MGMT: variants seen among roughly 807,000 people sequenced by gnomAD.
The protein encoded by MGMT is O-6-methylguanine-DNA methyltransferase, also known as methylated-DNA--protein-cysteine methyltransferase.
Under a neutral mutation model 15.9 loss-of-function variants are expected in MGMT, and 14 were observed. The observed-to-expected ratio is 0.88, with a 90% CI of 0.58 to 1.37. MGMT has a LOEUF of 1.37. Among genes scored for constraint, MGMT ranks in the 40% most tolerant of loss-of-function variants. The probability of loss-of-function intolerance (pLI) is 0.00; values close to 1 mark genes in which losing one functional copy is unlikely to be tolerated. For missense variants in MGMT, 282 were observed against 268.1 expected (o/e 1.05, Z -0.36); for synonymous variants, 130 against 118.2 (o/e 1.10, Z -0.65).
chr10:129,609,593 C>G (rs948243891), intron 2 of MGMT, among the ~76,000 whole-genome samples: 6 of 152,214 alleles, frequency 3.9e-5, no homozygotes, highest in African/African-American at 1.4e-4. Flanking sequence ...TTTGCAAACT[C>G]TGGTGCTGGG....
intron 2 of MGMT, among the ~76,000 whole-genome samples, chr10:129,639,198 AAAAT>A (rs1385458638): frequency 6.6e-6 from 1 of 152,152 alleles, no homozygotes; most frequent in Non-Finnish European, 1.5e-5. Context: ...TTAAGAGAAA[AAAAT>A]AGATTAAAGG....
chr10:129,619,754 C>T (rs757166621), intron 2 of MGMT, among the ~76,000 whole-genome samples: 24 of 152,072 alleles, frequency 1.6e-4, no homozygotes, highest in African/African-American at 5.6e-4. Context: ...ATTAATTGTT[C>T]GTAATCTTCT....
At chr10:129,494,020 G>A (rs1845495491) in intron 1 of MGMT, among the ~76,000 whole-genome samples, 1 of 152,180 alleles carries the variant, frequency 6.6e-6, no homozygotes, top group South Asian at 2.1e-4. Context: ...GTGTCCTACT[G>A]TAAAGATATA....
At chr10:129,592,663 T>G (rs1454640102) in intron 2 of MGMT, among the ~76,000 whole-genome samples, 1 of 152,160 alleles carries the variant, frequency 6.6e-6, no homozygotes, top group Non-Finnish European at 1.5e-5. Context: ...AAGGTAGATT[T>G]TCTTCCTGCA....
intron 1 of MGMT, among the ~76,000 whole-genome samples, chr10:129,518,385 G>A (rs1393347332): frequency 7.7e-6 from 1 of 129,362 alleles, no homozygotes; most frequent in Non-Finnish European, 1.7e-5. Context: ...TTTGGCCCTT[G>A]GACAAGACAG....
chr10:129,736,660 T>G (rs922817250), intron 3 of MGMT, among the ~76,000 whole-genome samples: 11 of 152,208 alleles, frequency 7.2e-5, no homozygotes, highest in African/African-American at 1.9e-4. Flanking sequence ...CTAGTCTTGA[T>G]GGTCTACATT....
intron 1 of MGMT, among the ~76,000 whole-genome samples, chr10:129,493,801 A>G (rs75944089): frequency 1.3e-3 from 194 of 152,298 alleles, no homozygotes; most frequent in African/African-American, 4.4e-3. Flanking sequence ...AGCCCTTTTC[A>G]GAAAGGTTTG....
chr10:129,711,926 T>G (rs533668309), intron 3 of MGMT, among the ~76,000 whole-genome samples: 11 of 152,360 alleles, frequency 7.2e-5, no homozygotes, highest in African/African-American at 2.6e-4. Context: ...CCCTGATTTC[T>G]TAGTGTTTAT....
chr10:129,710,453 C>T lies in MGMT; in HGVS notation c.274+2410C>T, dbSNP rs117419537. ...GAGTCCCCTGGGCCAGGCCTGCCTGCGGATGGTTAGTGGTTGCTGTGGGGG... is the reference window on the plus strand; with the variant it reads ...GAGTCCCCTGGGCCAGGCCTGCCTGTGGATGGTTAGTGGTTGCTGTGGGGG... On this transcript the variant is annotated intron_variant, in intron 3 of 4. Coordinates refer to ENST00000651593, the MANE Select transcript of MGMT (RefSeq NM_002412.5). 2.4e-4 allele frequency among the ~76,000 whole-genome samples: 36 copies of T among 152,302 alleles called. No individual in the cohort carries two copies. The East Asian group carries it at 3.5e-3, about 15-fold the overall frequency.
intron 1 of MGMT, among the ~76,000 whole-genome samples, chr10:129,530,187 G>A (rs1009540229): frequency 3.3e-5 from 5 of 150,778 alleles, no homozygotes; most frequent in African/African-American, 1.0e-4. Flanking sequence ...ACGGGTGTGA[G>A]CCACCATGAC....
At chr10:129,626,667 C>T (rs910355559) in intron 2 of MGMT, among the ~76,000 whole-genome samples, 4 of 152,142 alleles carry the variant, frequency 2.6e-5, no homozygotes, top group East Asian at 1.9e-4. Context: ...ATGTTGGAGA[C>T]GACAGGCTCC....
intron 2 of MGMT, chr10:129,700,899 CT>C (rs1157225074): frequency 6.6e-6 from 1 of 152,220 alleles, no homozygotes; most frequent in Non-Finnish European, 1.5e-5. Flanking sequence ...TAGCAAGAGT[CT>C]CCATGCAGCG....
intron 2 of MGMT, among the ~76,000 whole-genome samples, chr10:129,591,728 G>A (rs1207149506): frequency 6.6e-6 from 1 of 152,146 alleles, no homozygotes; most frequent in Admixed American, 6.5e-5. Context: ...TCAGGAGTTC[G>A]AGACCAGCCT....
At chr10:129,535,202 C>T (rs1845972234) in intron 1 of MGMT, among the ~76,000 whole-genome samples, 1 of 152,034 alleles carries the variant, frequency 6.6e-6, no homozygotes, top group African/African-American at 2.4e-5. Context: ...GGATGGCCTT[C>T]CTTGAGTAGC....
At chr10:129,612,190 A>G (rs1846968647) in intron 2 of MGMT, among the ~76,000 whole-genome samples, 1 of 152,234 alleles carries the variant, frequency 6.6e-6, no homozygotes, top group Non-Finnish European at 1.5e-5. Context: ...AGATCAATAG[A>G]AAGGAATGTC....
intron 2 of MGMT, among the ~76,000 whole-genome samples, chr10:129,611,573 G>A (rs1343078481): frequency 6.6e-6 from 1 of 152,226 alleles, no homozygotes; most frequent in African/African-American, 2.4e-5. Flanking sequence ...CACTCTGTAA[G>A]GAAGTGCATA....
chr10:129,497,365 A>G (rs1461183945), intron 1 of MGMT, among the ~76,000 whole-genome samples: 1 of 152,162 alleles, frequency 6.6e-6, no homozygotes, highest in African/African-American at 2.4e-5. Flanking sequence ...AGGGCCCTGC[A>G]GATTCTTCAC....
intron 2 of MGMT, among the ~76,000 whole-genome samples, chr10:129,680,863 C>T (rs1318208017): frequency 1.3e-5 from 2 of 152,182 alleles, no homozygotes; most frequent in Non-Finnish European, 2.9e-5. Flanking sequence ...TCTGATGCCT[C>T]CCCACAGGGG....
rs185024096 is a variant in MGMT, at chr10:129,765,362, C to T, written c.415-1426C>T. On this transcript the variant is annotated intron_variant, in intron 4 of 4. Coordinates refer to ENST00000651593, the MANE Select transcript of MGMT (RefSeq NM_002412.5). ...TGTTGGGAAGCTTAAGCAAATGGCCCTGGAGCCCCCAGAGCCCCCAGAGTC... is the reference window on the plus strand; with the variant it reads ...TGTTGGGAAGCTTAAGCAAATGGCCTTGGAGCCCCCAGAGCCCCCAGAGTC... 1.1e-3 allele frequency among the ~76,000 whole-genome samples: 165 copies of T among 152,230 alleles called. 1 individual carries two copies. The highest frequency in any genetic ancestry group is 3.5e-3 in the South Asian group (17 of 4,832).
Sources: allele counts gnomAD v4.1 joint callset (sites outside exome capture counted in the v4.1 genomes callset), GRCh38; gene constraint gnomAD v4.1.1; transcripts MANE v1.5; gene names NCBI Gene and HGNC (gene_info 2026-07-23, HGNC 2026-07-21).